Variants in RXFP1 observed in about 807,000 individuals in gnomAD.
RXFP1 encodes the protein relaxin receptor 1.
In RXFP1, 73 loss-of-function variants were observed where a neutral mutation model predicts 89.8. The observed-to-expected ratio is 0.81, with a 90% CI of 0.67 to 0.99. The LOEUF is 0.99. RXFP1 is among the 50% of genes least tolerant of loss of function. The probability of loss-of-function intolerance (pLI) is 0.00; values close to 1 mark genes in which losing one functional copy is unlikely to be tolerated. For missense variants in RXFP1, 793 were observed against 895.5 expected, an observed-to-expected ratio of 0.89 and a Z score of 1.46; for synonymous variants, 277 against 305.5, an observed-to-expected ratio of 0.91 and a Z score of 0.97.
intron 9 of RXFP1, among the ~76,000 whole-genome samples, chr4:158,621,474 T>A (rs1765620020): frequency 6.6e-6 from 1 of 152,186 alleles, no homozygotes; most frequent in Non-Finnish European, 1.5e-5. Context: ...TTTCTTAGTA[T>A]CATCAAAAGA....
chr4:158,579,916 G>A (rs372265835), intron 2 of RXFP1, among the ~76,000 whole-genome samples: 1 of 152,162 alleles, frequency 6.6e-6, no homozygotes, highest in African/African-American at 2.4e-5. Context: ...GGTGAGTCAG[G>A]TATGGCTACA....
chr4:158,585,731 G>A (rs1250002405), intron 2 of RXFP1, among the ~76,000 whole-genome samples: 5 of 151,816 alleles, frequency 3.3e-5, no homozygotes, highest in African/African-American at 7.3e-5. Context: ...AAAATACATA[G>A]GTAAAAAAGA....
intron 14 of RXFP1, among the ~76,000 whole-genome samples, chr4:158,644,555 A>G (rs1252415278): frequency 2.6e-5 from 4 of 152,236 alleles, no homozygotes; most frequent in Admixed American, 2.6e-4. Context: ...GCAGCACAAT[A>G]GGAGCTGTGT....
chr4:158,584,673 G>A (rs1047376653), intron 2 of RXFP1, among the ~76,000 whole-genome samples: 5 of 152,058 alleles, frequency 3.3e-5, no homozygotes, highest in African/African-American at 9.7e-5. Context: ...CCTGCAAATC[G>A]ACAGGAATGT....
Position 158,647,128 on chromosome 4 carries a change from A to C in RXFP1, c.1683A>C (p.Gly561=), listed in dbSNP as rs767431800. 8 of 1,613,846 alleles carry C rather than the reference A, an allele frequency of 5.0e-6. No homozygotes were observed. Among genetic ancestry groups the C allele is most frequent in the Admixed American group, 1.7e-5 (1 of 59,984 alleles). Residue 561 remains glycine (G), a synonymous_variant, in exon 16 of 18, where the codon GGA becomes GGC. Coordinates refer to ENST00000307765, the MANE Select transcript of RXFP1 (RefSeq NM_021634.4). Reference sequence around the variant, plus strand: ...TCAAAAACTACTATGGCACCAATGGAGTATGCTTCCCTCTTCATTCAGAAG... The same window carrying C: ...TCAAAAACTACTATGGCACCAATGGCGTATGCTTCCCTCTTCATTCAGAAG... ...EFFKNYYGTN[G]VCFPLHSEDT... is the part of the protein sequence containing the mutation.
intron 1 of RXFP1, among the ~76,000 whole-genome samples, chr4:158,566,915 G>A (rs1579663707): frequency 6.6e-6 from 1 of 152,216 alleles, no homozygotes; most frequent in Non-Finnish European, 1.5e-5. Flanking sequence ...GCCAGAGCCG[G>A]CTCCCTCAGC....
chr4:158,610,102 A>G (rs1246691555), intron 6 of RXFP1, among the ~76,000 whole-genome samples: 1 of 152,120 alleles, frequency 6.6e-6, no homozygotes, highest in East Asian at 1.9e-4. Context: ...TGTCTCTACT[A>G]AAAATACAAA....
In RXFP1 at chr4:158,556,223, G is replaced by A. The variant is rs1377238630; in HGVS notation, c.50-16475G>A. ...TCCAAAATACATAAGAAACTTAACA[G>A]CAAAAAAAAAAAAAAAAATTGAAAA... On this transcript the variant is annotated intron_variant, in intron 1 of 17. Coordinates refer to ENST00000307765, the MANE Select transcript of RXFP1 (RefSeq NM_021634.4). 1.1e-3 allele frequency among the ~76,000 whole-genome samples: 26 copies of A among 24,052 alleles called. No individual in the cohort carries two copies. The South Asian group carries it at 0.074, about 69-fold the overall frequency. 15.8% of individuals were successfully genotyped at this position (24,052 alleles called of 152,430 possible). A position where few individuals can be genotyped will look rare whatever the true frequency, so the allele number is the denominator to read the frequency against.
At position 158,604,178 on chromosome 4, in the gene RXFP1, A is replaced by G. The variant is rs115558725; in HGVS notation, c.393-890A>G. 3.8e-3 allele frequency among the ~76,000 whole-genome samples: 581 copies of G among 152,168 alleles called. 2 individuals carry two copies. Among genetic ancestry groups the G allele is most frequent in the Non-Finnish European group, 6.8e-3 (464 of 68,008 alleles). On this transcript the variant is annotated intron_variant, in intron 4 of 17. Transcript: ENST00000307765. ...CCTAAACATTGTTAGTGCTTATTGTATAAAACTGTCTTAACCTGAGTTAAG... is the reference window on the plus strand; with the variant it reads ...CCTAAACATTGTTAGTGCTTATTGTGTAAAACTGTCTTAACCTGAGTTAAG...
intron 1 of RXFP1, among the ~76,000 whole-genome samples, chr4:158,566,887 C>G (rs776906127): frequency 6.6e-6 from 1 of 152,234 alleles, no homozygotes; most frequent in African/African-American, 2.4e-5. Context: ...GTGGGAGCCC[C>G]TTTCTGGGCT....
At chr4:158,565,693 C>T (rs532895100) in intron 1 of RXFP1, among the ~76,000 whole-genome samples, 1 of 152,146 alleles carries the variant, frequency 6.6e-6, no homozygotes, top group Non-Finnish European at 1.5e-5. Flanking sequence ...TAATAATAAT[C>T]AACAGATTGT....
chr4:158,632,082 C>T (rs1042455003), intron 11 of RXFP1, among the ~76,000 whole-genome samples: 5 of 152,138 alleles, frequency 3.3e-5, no homozygotes, highest in Non-Finnish European at 7.3e-5. Context: ...TTGATTTCAT[C>T]TCCTAAGGTA....
intron 1 of RXFP1, among the ~76,000 whole-genome samples, chr4:158,545,130 G>A (rs1411451814): frequency 6.6e-6 from 1 of 151,252 alleles, no homozygotes; most frequent in Admixed American, 6.6e-5. Flanking sequence ...ACTTTTTAAT[G>A]ATTGCCATTC....
At chr4:158,616,657 A>G (rs528453270) in intron 8 of RXFP1, among the ~76,000 whole-genome samples, 1 of 148,506 alleles carries the variant, frequency 6.7e-6, no homozygotes, top group Non-Finnish European at 1.5e-5. Context: ...ATATAATTAG[A>G]TTATAATTAA....
chr4:158,527,484 A>C (rs1742814944), intron 1 of RXFP1, among the ~76,000 whole-genome samples: 2 of 150,056 alleles, frequency 1.3e-5, no homozygotes, highest in Non-Finnish European at 3.0e-5. Flanking sequence ...CAAAGGTTGC[A>C]ATCAGCCAAG....
intron 1 of RXFP1, among the ~76,000 whole-genome samples, chr4:158,552,977 G>T (rs957284744): frequency 6.6e-6 from 1 of 152,118 alleles, no homozygotes; most frequent in African/African-American, 2.4e-5. Context: ...TTGAACCCAG[G>T]AGTTTGAGAC....
intron 17 of RXFP1, among the ~76,000 whole-genome samples, chr4:158,649,017 G>A (rs1772108881): frequency 6.6e-6 from 1 of 152,140 alleles, no homozygotes; most frequent in Non-Finnish European, 1.5e-5. Flanking sequence ...GGAGGCTAAG[G>A]CATGAGAATT....
At chr4:158,523,091 T>A (rs1741584702) in intron 1 of RXFP1, among the ~76,000 whole-genome samples, 1 of 152,168 alleles carries the variant, frequency 6.6e-6, no homozygotes, top group Non-Finnish European at 1.5e-5. Flanking sequence ...AATATTCTAG[T>A]CCTAGCCTTC....
chr4:158,600,440 T>C (rs1463370111), intron 4 of RXFP1, among the ~76,000 whole-genome samples: 2 of 152,180 alleles, frequency 1.3e-5, no homozygotes, highest in East Asian at 1.9e-4. Flanking sequence ...AGAGGGAACA[T>C]TTCCACTTGA....
Sources: allele counts gnomAD v4.1 joint callset (sites outside exome capture counted in the v4.1 genomes callset), GRCh38; gene constraint gnomAD v4.1.1; transcripts MANE v1.5; gene names NCBI Gene and HGNC (gene_info 2026-07-23, HGNC 2026-07-21).